ASAP2: variants seen among roughly 807,000 people sequenced by gnomAD.
The protein encoded by ASAP2 is arf-GAP with SH3 domain, ANK repeat and PH domain-containing protein 2.
Under a neutral mutation model 131.4 loss-of-function variants are expected in ASAP2, and 45 were observed. That is an observed-to-expected ratio of 0.34 (90% confidence interval 0.27 to 0.44). ASAP2 has a LOEUF of 0.44. ASAP2 is among the 20% of genes least tolerant of loss of function. The pLI is 1.00. For synonymous variants in ASAP2, 510 were observed against 503.0 expected (o/e 1.01, Z -0.19); for missense variants, 1,011 against 1,297.0 (o/e 0.78, Z 3.39).
intron 1 of ASAP2, among the ~76,000 whole-genome samples, chr2:9,258,046 C>A (rs910066197): frequency 5.3e-5 from 8 of 152,126 alleles, no homozygotes; most frequent in African/African-American, 1.9e-4. Context: ...ATTACTGCTA[C>A]CCCCACAACC....
At chr2:9,297,260 C>T in intron 2 of ASAP2, 40 bp from the exon 3 acceptor site, 1 of 1,603,826 alleles carries the variant, frequency 6.2e-7, no homozygotes, top group Non-Finnish European at 8.5e-7. Context: ...GTGAGGGTGG[C>T]ATGCCTGAGA....
At chr2:9,275,899 A>G (rs1666731190) in intron 1 of ASAP2, among the ~76,000 whole-genome samples, 1 of 152,178 alleles carries the variant, frequency 6.6e-6, no homozygotes, top group South Asian at 2.1e-4. Flanking sequence ...GATGTCCACA[A>G]TATTGTTTTA....
chr2:9,233,465 T>A (rs2148035181), intron 1 of ASAP2, among the ~76,000 whole-genome samples: 1 of 152,376 alleles, frequency 6.6e-6, no homozygotes, highest in South Asian at 2.1e-4. Context: ...TTTTACTTTT[T>A]AAGTAACACT....
chr2:9,214,168 G>A (rs549193800), intron 1 of ASAP2, among the ~76,000 whole-genome samples: 4 of 152,292 alleles, frequency 2.6e-5, no homozygotes, highest in Middle Eastern at 3.4e-3. Flanking sequence ...CTTTGCTTAC[G>A]CCTTTTCTGT....
intron 3 of ASAP2, among the ~76,000 whole-genome samples, chr2:9,313,835 C>G (rs1669474697): frequency 6.6e-6 from 1 of 152,200 alleles, no homozygotes; most frequent in South Asian, 2.1e-4. Context: ...ACTGTTTTCT[C>G]ACCTTTCATC....
intron 11 of ASAP2, among the ~76,000 whole-genome samples, chr2:9,347,201 G>A (rs1024315004): frequency 7.9e-5 from 12 of 152,212 alleles, no homozygotes; most frequent in African/African-American, 2.9e-4. Flanking sequence ...CAGTGGCTGA[G>A]TGTTCCTTTT....
chr2:9,281,679 T>G lies in ASAP2; in HGVS notation c.199+2290T>G, dbSNP rs1667135767. On this transcript the variant is annotated intron_variant, in intron 2 of 27. Transcript: ENST00000281419. This position sits in a 1 kb window ranked among gnomAD's most constrained non-coding sequence, Gnocchi z 4.0. ...GAAGGCCTCTGTGGGCTTCAGAATT[T>G]TAGGGCAATTGGGATAAAGATGGTT... 6.6e-6 allele frequency among the ~76,000 whole-genome samples: 1 copy of G among 152,160 alleles called. No homozygotes were observed. Among genetic ancestry groups the G allele is most frequent in the Non-Finnish European group, 1.5e-5 (1 of 68,024 alleles).
chr2:9,321,680 C>T (rs997103999), intron 5 of ASAP2, among the ~76,000 whole-genome samples: 1 of 152,018 alleles, frequency 6.6e-6, no homozygotes, highest in African/African-American at 2.4e-5. Context: ...TGTGACTAGA[C>T]CAAGGGCAGA....
chr2:9,242,121 G>T (rs979663151), intron 1 of ASAP2, among the ~76,000 whole-genome samples: 9 of 152,176 alleles, frequency 5.9e-5, no homozygotes, highest in Non-Finnish European at 1.0e-4. Flanking sequence ...TGGAAGAGAG[G>T]GGGGAGGTCT....
chr2:9,320,438 C>G (rs1670081366), intron 5 of ASAP2, 101 bp downstream of exon 5: 1 of 876,972 alleles, frequency 1.1e-6, no homozygotes, highest in Non-Finnish European at 1.8e-6. Context: ...AAACCTTAAT[C>G]CAGAAAAGAA....
chr2:9,346,822 T>C (rs777593161), intron 11 of ASAP2, among the ~76,000 whole-genome samples: 15 of 152,256 alleles, frequency 9.9e-5, no homozygotes, highest in Non-Finnish European at 1.5e-4. Context: ...ACAGGTCTGG[T>C]AATCCTTTGC....
At chr2:9,223,834 G>A (rs1386610173) in intron 1 of ASAP2, among the ~76,000 whole-genome samples, 2 of 152,002 alleles carry the variant, frequency 1.3e-5, no homozygotes, top group African/African-American at 4.8e-5. Context: ...AAGGGTGGGG[G>A]CCCCCTTCTA....
intron 1 of ASAP2, among the ~76,000 whole-genome samples, chr2:9,242,809 G>A (rs1453192146): frequency 1.3e-5 from 2 of 152,196 alleles, no homozygotes; most frequent in Non-Finnish European, 2.9e-5. Flanking sequence ...TGCTGGGGAA[G>A]TAGGTTTTGA....
chr2:9,288,721 G>C (rs1481202995), intron 2 of ASAP2, among the ~76,000 whole-genome samples: 1 of 152,036 alleles, frequency 6.6e-6, no homozygotes, highest in African/African-American at 2.4e-5. Flanking sequence ...TCTTGGCTTT[G>C]AACCCCAGAC....
chr2:9,221,520 T>A (rs1441126755), intron 1 of ASAP2, among the ~76,000 whole-genome samples: 2 of 152,090 alleles, frequency 1.3e-5, no homozygotes, highest in Admixed American at 1.3e-4. Context: ...ATCTTACACT[T>A]CTTCTGTTAA....
In ASAP2 at chr2:9,281,719, C is replaced by A. The variant is rs1667138084; in HGVS notation, c.199+2330C>A. On this transcript the variant is annotated intron_variant, in intron 2 of 27. Coordinates refer to ENST00000281419, the MANE Select transcript of ASAP2 (RefSeq NM_003887.3). The surrounding 1 kb of genome is among the most constrained non-coding windows in gnomAD (Gnocchi z 4.0). Reference sequence around the variant, plus strand: ...TAAAGATGGTTCTCTTACCACAGATCCATCCAAAGATTTTAATGTGCTAGT... The same window carrying A: ...TAAAGATGGTTCTCTTACCACAGATACATCCAAAGATTTTAATGTGCTAGT... 6.6e-6 allele frequency among the ~76,000 whole-genome samples: 1 copy of A among 152,154 alleles called. No individual in the cohort carries two copies. Among genetic ancestry groups the A allele is most frequent in the Admixed American group, 6.5e-5 (1 of 15,274 alleles).
rs1288171363 is a variant in ASAP2 at position 9,311,448 on chromosome 2, C to T, written c.346-7076C>T. ...TAATAATTTGTATTCAGGTTGCACT[C>T]GATGTTTTAAAAAGCCATTTTACAT... On this transcript the variant is annotated intron_variant, in intron 3 of 27. Coordinates refer to ENST00000281419, the MANE Select transcript of ASAP2 (RefSeq NM_003887.3). The surrounding 1 kb of genome is among the most constrained non-coding windows in gnomAD (Gnocchi z 5.2). Among the ~76,000 whole-genome samples, 1 of 151,986 alleles carries T rather than the reference C, an allele frequency of 6.6e-6. No homozygotes were observed. The highest frequency in any genetic ancestry group is 1.5e-5 in the Non-Finnish European group (1 of 68,008).
chr2:9,329,838 C>G (rs1670715416), intron 7 of ASAP2, among the ~76,000 whole-genome samples: 1 of 152,212 alleles, frequency 6.6e-6, no homozygotes, highest in African/African-American at 2.4e-5. Context: ...CCTTTGTGCC[C>G]TCCCTGTCTT....
At position 9,207,991 on chromosome 2, in the gene ASAP2, G is replaced by C. The variant is rs965224417; in HGVS notation, c.126+761G>C. ...TAAGCAGTACGCTCTCCAGGTCCTG[G>C]GGAGAGGAACACGTAGGAACGAAGA... On this transcript the variant is annotated intron_variant, in intron 1 of 27. Transcript: ENST00000281419. This position sits in a 1 kb window ranked among gnomAD's most constrained non-coding sequence, Gnocchi z 4.1. Among the ~76,000 whole-genome samples the C allele has an allele frequency of 4.6e-5, 7 of 152,186 alleles. No individual in the cohort carries two copies. The highest frequency in any genetic ancestry group is 1.7e-4 in the African/African-American group (7 of 41,440).
Sources: gnomAD v4.1 joint callset for allele counts (sites outside exome capture counted in the v4.1 genomes callset) on GRCh38, gnomAD v4.1.1 for gene constraint, Gnocchi (gnomAD v3.1) non-coding constraint, MANE v1.5 for transcripts, NCBI Gene and HGNC (gene_info 2026-07-23, HGNC 2026-07-21) for gene names.